The following TTYH2 variants were observed in gnomAD, a reference collection of about 807,000 sequenced individuals.
TTYH2 encodes the protein tweety family member 2.
A neutral mutation model predicts 68.3 loss-of-function variants in TTYH2; 49 were observed. That is an observed-to-expected ratio of 0.72 (90% CI 0.57 to 0.91). The LOEUF is 0.91. Among genes scored for constraint, TTYH2 ranks in the 40% least tolerant of loss-of-function variants. The pLI is 0.00. For missense variants in TTYH2, 631 were observed against 700.4 expected (o/e 0.90, Z 1.12); for synonymous variants, 272 against 300.8 (o/e 0.90, Z 0.99).
At chr17:74,223,398 T>A (rs1327153355) in intron 2 of TTYH2, among the ~76,000 whole-genome samples, 3 of 152,068 alleles carry the variant, frequency 2.0e-5, no homozygotes, top group Non-Finnish European at 4.4e-5. Flanking sequence ...AGTGCTGGGA[T>A]TACAGGCGTG....
Position 74,223,637 on chromosome 17 carries a change from CAGG to C in TTYH2, c.302+983_302+985del, listed in dbSNP as rs757754668. 4.7e-4 allele frequency among the ~76,000 whole-genome samples: 71 copies of C among 152,322 alleles called. No homozygotes were observed. The Middle Eastern group carries it at 0.017, about 36-fold the overall frequency. ...CGTCCACATGCATGCTGGCTGTTTT[CAGG>C]AGTTGTTGCGTTTTTCTTGTTTTTA... On this transcript the variant is annotated intron_variant, in intron 2 of 13. Transcript: ENST00000269346.
intron 7 of TTYH2, 75 bp from the exon 8 acceptor site, chr17:74,249,269 G>T: frequency 6.2e-7 from 1 of 1,601,386 alleles, no homozygotes; most frequent in South Asian, 1.1e-5. Flanking sequence ...GGGAGGTCTG[G>T]CTTGGCCACC....
intron 6 of TTYH2, 90 bp from the exon 7 acceptor site, chr17:74,248,921 G>T (rs1249265015): frequency 3.1e-6 from 5 of 1,596,368 alleles, no homozygotes; most frequent in Non-Finnish European, 4.3e-6. Context: ...GAGCTCAAGG[G>T]GCTGGGGTGA....
In TTYH2 at chr17:74,260,497, T is replaced by C; in HGVS notation, c.*288T>C. 2.3e-6 allele frequency: 1 copy of C among 443,604 alleles called. No homozygotes were observed. The highest frequency in any genetic ancestry group is 2.4e-5 in the South Asian group (1 of 42,062). 27.5% of individuals were successfully genotyped at this position (443,604 alleles called of 1,614,324 possible). A position where few individuals can be genotyped will look rare whatever the true frequency, so the allele number is the denominator to read the frequency against. Reference sequence around the variant, plus strand: ...CTGGCTGCCTGGCCCTGCTCACCCCTACGCCTCGCCCTTGCCAGGAGGGGA... The same window carrying C: ...CTGGCTGCCTGGCCCTGCTCACCCCCACGCCTCGCCCTTGCCAGGAGGGGA... On this transcript the variant is annotated 3_prime_UTR_variant, in exon 14 of 14. Transcript: ENST00000269346.
intron 3 of TTYH2, among the ~76,000 whole-genome samples, chr17:74,236,578 C>A (rs1277505054): frequency 6.6e-6 from 1 of 152,228 alleles, no homozygotes; most frequent in Non-Finnish European, 1.5e-5. Context: ...GGTGGGCACA[C>A]AGGATAGCCT....
rs530633110 is a variant in TTYH2, at chr17:74,229,930, A to G, written c.303-958A>G. The stretch of plus-strand genomic sequence containing the variant: ...TGGATCACCTGAGGTCAGGAGTTCA[A>G]GACCAGCCTGGCCAACATGGTGAAA... On this transcript the variant is annotated intron_variant, in intron 2 of 13. Transcript: ENST00000269346. 3.7e-4 allele frequency among the ~76,000 whole-genome samples: 56 copies of G among 152,324 alleles called. 1 individual carries two copies. The highest frequency in any genetic ancestry group is 1.3e-3 in the African/African-American group (55 of 41,566).
intron 2 of TTYH2, among the ~76,000 whole-genome samples, chr17:74,224,797 C>T (rs1372804476): frequency 1.3e-5 from 2 of 151,728 alleles, no homozygotes; most frequent in African/African-American, 2.4e-5. Flanking sequence ...GTCAGGAGTT[C>T]GACACCAGCC....
In TTYH2 at chr17:74,249,438, C is replaced by G. The variant is rs1187905689; in HGVS notation, c.930+39C>G. ...AGGCCTGCCCTCACCCTGCCCACAG[C>G]CGCTCCCCCTTGACCCTAAGCCTCA... On this transcript the variant is annotated intron_variant, in intron 8 of 13. Transcript: ENST00000269346. 1.9e-6 allele frequency: 3 copies of G among 1,607,320 alleles called. No homozygotes were observed. The African/African-American group carries it at 4.0e-5, about 21-fold the overall frequency.
At chr17:74,255,181 G>A (rs191529440) in intron 13 of TTYH2, among the ~76,000 whole-genome samples, 294 of 152,370 alleles carry the variant, frequency 1.9e-3, no homozygotes, top group Non-Finnish European at 2.9e-3. Flanking sequence ...CAAAGGCCTG[G>A]GTTCAAATCC....
chr17:74,235,327 C>T (rs2050431812), intron 3 of TTYH2, among the ~76,000 whole-genome samples: 1 of 152,168 alleles, frequency 6.6e-6, no homozygotes, highest in African/African-American at 2.4e-5. Flanking sequence ...TCTCCCAGAC[C>T]CGTGGGAGCT....
At chr17:74,259,580 T>C (rs1006612466) in intron 13 of TTYH2, among the ~76,000 whole-genome samples, 1 of 152,088 alleles carries the variant, frequency 6.6e-6, no homozygotes, top group African/African-American at 2.4e-5. Flanking sequence ...CATCGGGATG[T>C]TTTTAGGCTC....
Position 74,260,351 on chromosome 17 carries a change from C to A in TTYH2, c.*142C>A. ...GTGGCAGAGGAGCAGCTGGGATTCC[C>A]GACCAAAGCCCCAGGGGGTGCAGAA... On this transcript the variant is annotated 3_prime_UTR_variant, in exon 14 of 14. Coordinates refer to ENST00000269346, the MANE Select transcript of TTYH2 (RefSeq NM_032646.6). The A allele has an allele frequency of 1.2e-6, 1 of 813,998 alleles. No individual in the cohort carries two copies. Among genetic ancestry groups the A allele is most frequent in the Non-Finnish European group, 2.0e-6 (1 of 499,134 alleles). The allele number at this position is 813,998 out of a possible 1,614,324, so 50.4% of individuals were successfully genotyped here. A position where few individuals can be genotyped will look rare whatever the true frequency, so the allele number is the denominator to read the frequency against.
At chr17:74,259,667 G>A (rs924503631) in intron 13 of TTYH2, among the ~76,000 whole-genome samples, 3 of 152,108 alleles carry the variant, frequency 2.0e-5, no homozygotes, top group Admixed American at 2.0e-4. Context: ...ATATCATTTC[G>A]CCCTTTCAAC....
chr17:74,247,104 C>G (rs1239513132), intron 6 of TTYH2, among the ~76,000 whole-genome samples: 1 of 151,178 alleles, frequency 6.6e-6, no homozygotes, highest in Admixed American at 6.6e-5. Flanking sequence ...ATTGCTTGAA[C>G]CCGGGAGGTG....
chr17:74,224,350 G>A (rs991062490), intron 2 of TTYH2, among the ~76,000 whole-genome samples: 16 of 152,020 alleles, frequency 1.1e-4, no homozygotes, highest in African/African-American at 3.4e-4. Context: ...TCGCTCCATC[G>A]CACTCTAGCC....
intron 9 of TTYH2, 26 bp from the exon 10 acceptor site, chr17:74,250,239 C>CCT (rs751464110): frequency 6.4e-7 from 1 of 1,567,924 alleles, no homozygotes; most frequent in Non-Finnish European, 8.6e-7. Context: ...AGCCCCTCGG[C>CCT]CTCTCTCGCT....
chr17:74,253,187 T>C lies in TTYH2; in HGVS notation c.1366T>C (p.Tyr456His), dbSNP rs770928677. The C allele has an allele frequency of 1.2e-6, 2 of 1,613,958 alleles. No homozygotes were observed. The highest frequency in any genetic ancestry group is 1.7e-6 in the Non-Finnish European group (2 of 1,179,960). ...PRGQLHSFCS[Y>H]SSGLGSQTSL... The stretch of plus-strand genomic sequence containing the variant: ...GGGACAGCTTCACAGCTTCTGCAGC[T>C]ACAGCAGTGGCCTGGGAAGTCAGAC... Residue 456 changes from tyrosine to histidine, a missense_variant, in exon 12 of 14, where the codon TAC (tyrosine) becomes CAC (histidine). Coordinates refer to ENST00000269346, the MANE Select transcript of TTYH2 (RefSeq NM_032646.6).
chr17:74,244,215 TG>T, intron 6 of TTYH2, 166 bp downstream of exon 6: 1 of 640,750 alleles, frequency 1.6e-6, no homozygotes, highest in East Asian at 2.9e-5. Flanking sequence ...TCGTTACAGA[TG>T]GGGAAACAGG....
At chr17:74,260,032 C>A in intron 13 of TTYH2, 97 bp from the exon 14 acceptor site, 1 of 1,105,300 alleles carries the variant, frequency 9.0e-7, no homozygotes, top group Non-Finnish European at 1.4e-6. Context: ...CCCTCTGACA[C>A]CCGACCCAGT....
Sources: allele counts gnomAD v4.1 joint callset (sites outside exome capture counted in the v4.1 genomes callset), GRCh38; gene constraint gnomAD v4.1.1; transcripts MANE v1.5; gene names NCBI Gene and HGNC (gene_info 2026-07-23, HGNC 2026-07-21).